AFAP1: variants seen among roughly 807,000 people sequenced by gnomAD.
AFAP1 encodes actin filament associated protein 1, also known as actin filament-associated protein 1.
A neutral mutation model predicts 93.9 loss-of-function variants in AFAP1; 75 were observed. That is an observed-to-expected ratio of 0.80 (90% confidence interval 0.66 to 0.97). The LOEUF (loss-of-function observed/expected upper bound fraction) is 0.97, where lower values mean the gene tolerates loss of function less well. AFAP1 is among the 50% of genes least tolerant of loss of function. The pLI, the probability that AFAP1 is intolerant of heterozygous loss-of-function variation, is 0.00. For synonymous variants in AFAP1, 517 were observed against 430.7 expected (o/e 1.20, Z -2.48); for missense variants, 1,201 against 1,050.8 (o/e 1.14, Z -1.98).
At chr4:7,809,944 G>A (rs1719865080) in intron 8 of AFAP1, among the ~76,000 whole-genome samples, 181 bp from the exon 9 acceptor site, 1 of 152,078 alleles carries the variant, frequency 6.6e-6, no homozygotes, top group Admixed American at 6.6e-5. Flanking sequence ...ATGCAGCCTT[G>A]AACTCCTGGG....
chr4:7,816,058 A>G lies in AFAP1; in HGVS notation c.864T>C (p.Val288=). ...SERPSSDGEG[V]VENGITTCNG... is the part of the protein sequence containing the mutation. ...TACATGTGGTAATTCCATTTTCCAC[A>G]ACACCCTCCCCATCTGAGCTGGGTC... Residue 288 remains valine, a synonymous_variant, in exon 8 of 18, where the codon GTT becomes GTC. Coordinates refer to ENST00000420658, the MANE Select transcript of AFAP1 (RefSeq NM_001134647.2). 1 of 1,613,284 alleles carries G rather than the reference A, an allele frequency of 6.2e-7. No homozygotes were observed. Among genetic ancestry groups the G allele is most frequent in the Non-Finnish European group, 8.5e-7 (1 of 1,179,788 alleles).
intron 8 of AFAP1, among the ~76,000 whole-genome samples, chr4:7,814,108 T>A (rs1386440645): frequency 6.6e-6 from 1 of 152,160 alleles, no homozygotes; most frequent in East Asian, 1.9e-4. Flanking sequence ...TGGGAGACTA[T>A]ACATCCAAAA....
chr4:7,781,417 T>C lies in AFAP1; in HGVS notation c.1741A>G (p.Thr581Ala), dbSNP rs1347458021. 1 of 1,551,658 alleles carries C rather than the reference T, an allele frequency of 6.4e-7. No individual in the cohort carries two copies. The highest frequency in any genetic ancestry group is 1.2e-5 in the South Asian group (1 of 84,030). The stretch of plus-strand genomic sequence containing the variant: ...AGAGACGCCCTCCCCACAGAAGAGG[T>C]ATTAGTGACAGACTGAGCGGAGGCA... ...YPASAQSVTN[T>A]SSVGRASLGL... The change falls in exon 13 of 18, where the codon ACC (threonine) becomes GCC (alanine). Residue 581 changes from threonine to alanine, a missense_variant. By Grantham distance (58) the Thr-to-Ala change is moderately conservative. Coordinates refer to ENST00000420658, the MANE Select transcript of AFAP1 (RefSeq NM_001134647.2).
chr4:7,816,131 C>A, intron 7 of AFAP1, 32 bp from the exon 8 acceptor site: 1 of 1,578,058 alleles, frequency 6.3e-7, no homozygotes, highest in Non-Finnish European at 8.7e-7. Flanking sequence ...GTTATTCTTA[C>A]AGTGGTCACT....
At chr4:7,870,561 G>A (rs1716933825) in intron 2 of AFAP1, among the ~76,000 whole-genome samples, 3 of 152,198 alleles carry the variant, frequency 2.0e-5, no homozygotes, top group Admixed American at 1.3e-4. Context: ...GGAGGCTGCA[G>A]TGGGAGGATC....
intron 1 of AFAP1, among the ~76,000 whole-genome samples, chr4:7,883,897 C>G (rs1377399406): frequency 6.6e-6 from 1 of 152,168 alleles, no homozygotes; most frequent in Non-Finnish European, 1.5e-5. Context: ...CCCAAGTTAA[C>G]AAATATATTT....
chr4:7,798,360 TCTATTGGCTGGCTCACGGCACTGCAACC>T lies in AFAP1; in HGVS notation c.1266+2054_1266+2081del, dbSNP rs1718677375. Among the ~76,000 whole-genome samples, 3 of 108,558 alleles carry T rather than the reference TCTATTGGCTGGCTCACGGCACTGCAACC, an allele frequency of 2.8e-5. 1 individual carries two copies. The highest frequency in any genetic ancestry group is 2.2e-4 in the Admixed American group (2 of 9,044). The allele number at this position is 108,558 out of a possible 152,430, so 71.2% of individuals were successfully genotyped here. On this transcript the variant is annotated intron_variant, in intron 10 of 17. Coordinates refer to ENST00000420658, the MANE Select transcript of AFAP1 (RefSeq NM_001134647.2). ...ATTGGCTGGCTCACAGCACTGCAAC[TCTATTGGCTGGCTCACGGCACTGCAACC>T]CTATTGGCTGGCTCACAGCACTGCA...
chr4:7,835,084 C>T (rs369831111), intron 6 of AFAP1, among the ~76,000 whole-genome samples: 1 of 74,582 alleles, frequency 1.3e-5, no homozygotes, highest in Non-Finnish European at 2.6e-5. Flanking sequence ...CTGCGGGCTG[C>T]CTTAAGGTTA....
chr4:7,786,274 G>C lies in AFAP1; in HGVS notation c.1450C>G (p.Leu484Val), dbSNP rs1435756370. The stretch of plus-strand genomic sequence containing the variant: ...GCATAGCCGTTGGAGGTGCCCCCTA[G>C]ATATGGGTTAGCAGATATAACACGC... ...NRRVISANPY[L>V]GGTSNGYAHP... is the part of the protein sequence containing the mutation. Residue 484 changes from leucine to valine, a missense_variant, in exon 12 of 18, where the codon CTA becomes GTA. Coordinates refer to ENST00000420658, the MANE Select transcript of AFAP1 (RefSeq NM_001134647.2). 6.2e-7 allele frequency: 1 copy of C among 1,614,096 alleles called. No individual in the cohort carries two copies. Among genetic ancestry groups the C allele is most frequent in the African/African-American group, 1.3e-5 (1 of 74,928 alleles).
intron 8 of AFAP1, among the ~76,000 whole-genome samples, chr4:7,810,012 C>G (rs1405400129): frequency 6.6e-6 from 1 of 152,182 alleles, no homozygotes; most frequent in Non-Finnish European, 1.5e-5. Context: ...GTGCGTGTCA[C>G]TACGTAGGCC....
chr4:7,800,367 T>C, intron 10 of AFAP1, 75 bp downstream of exon 10: 1 of 1,477,368 alleles, frequency 6.8e-7, no homozygotes, highest in African/African-American at 1.4e-5. Flanking sequence ...GATAGAGGAG[T>C]CAGCATTCGC....
chr4:7,837,816 T>G (rs574677612), intron 6 of AFAP1, among the ~76,000 whole-genome samples: 5 of 152,250 alleles, frequency 3.3e-5, no homozygotes, highest in Admixed American at 2.6e-4. Flanking sequence ...CTCATGAGTT[T>G]GAGACCAGCC....
At chr4:7,902,116 C>T (rs189795967) in intron 1 of AFAP1, among the ~76,000 whole-genome samples, 14 of 152,302 alleles carry the variant, frequency 9.2e-5, no homozygotes, top group African/African-American at 3.4e-4. Context: ...CAGTCAACAA[C>T]CCGTCTTCTC....
intron 2 of AFAP1, among the ~76,000 whole-genome samples, chr4:7,870,660 GA>G (rs956388669): frequency 8.1e-5 from 12 of 148,556 alleles, no homozygotes; most frequent in South Asian, 2.2e-4. Context: ...CTGTCTCAAA[GA>G]AAAAAAAAAG....
At chr4:7,902,779 G>A (rs1242316172) in intron 1 of AFAP1, among the ~76,000 whole-genome samples, 1 of 152,206 alleles carries the variant, frequency 6.6e-6, no homozygotes, top group African/African-American at 2.4e-5. Context: ...ACCAGGCACT[G>A]GGAGGGGCAG....
intron 11 of AFAP1, among the ~76,000 whole-genome samples, chr4:7,787,436 A>G (rs982596162): frequency 1.3e-5 from 2 of 152,122 alleles, no homozygotes; most frequent in African/African-American, 2.4e-5. Context: ...CCAACTCACA[A>G]CCTATTGGTT....
chr4:7,871,104 A>G (rs1170196155), intron 2 of AFAP1, among the ~76,000 whole-genome samples: 1 of 152,138 alleles, frequency 6.6e-6, no homozygotes, highest in Non-Finnish European at 1.5e-5. Context: ...AGGTGCTCTC[A>G]TAAGGCTCTG....
chr4:7,795,174 A>C (rs1718281159), intron 10 of AFAP1, among the ~76,000 whole-genome samples: 2 of 152,150 alleles, frequency 1.3e-5, no homozygotes, highest in South Asian at 4.1e-4. Flanking sequence ...GCTACTTTTT[A>C]TGTTGAGAAA....
At chr4:7,927,555 T>G (rs1720834823) in intron 1 of AFAP1, among the ~76,000 whole-genome samples, 1 of 152,160 alleles carries the variant, frequency 6.6e-6, no homozygotes, top group Non-Finnish European at 1.5e-5. Context: ...CCAGGCGCGG[T>G]GGCTCACGCC....
Sources: gnomAD v4.1 joint callset for allele counts (sites outside exome capture counted in the v4.1 genomes callset) on GRCh38, gnomAD v4.1.1 for gene constraint, MANE v1.5 for transcripts, NCBI Gene and HGNC (gene_info 2026-07-23, HGNC 2026-07-21) for gene names.